Variants in PHACTR2 observed in about 807,000 individuals in gnomAD.
PHACTR2 encodes the protein chromosome 6 open reading frame 56.
PHACTR2 carries 30 observed loss-of-function variants against 76.0 expected under a neutral mutation model. The ratio of observed to expected loss-of-function variants is 0.39; its 90% CI spans 0.30 to 0.54. The LOEUF (loss-of-function observed/expected upper bound fraction) is 0.54, where lower values mean the gene tolerates loss of function less well. Ranked by LOEUF, PHACTR2 falls within the 20% of genes least tolerant of loss-of-function variation. The pLI, the probability that PHACTR2 is intolerant of heterozygous loss-of-function variation, is 0.61. For synonymous variants in PHACTR2, 292 were observed against 292.5 expected (o/e 1.00, Z 0.02); for missense variants, 696 against 781.1 (o/e 0.89, Z 1.30).
intron 1 of PHACTR2, among the ~76,000 whole-genome samples, chr6:143,629,803 G>A (rs1776330635): frequency 6.6e-6 from 1 of 152,160 alleles, no homozygotes; most frequent in South Asian, 2.1e-4. Context: ...CTGAGATAAT[G>A]AAATTCAAAT....
rs2128486674 is a variant in PHACTR2 at position 143,819,299 on chromosome 6, A to G, written c.1923-4375A>G. On this transcript the variant is annotated intron_variant, in intron 12 of 12. Coordinates refer to ENST00000440869, the MANE Select transcript of PHACTR2 (RefSeq NM_001100164.2). This position sits in a 1 kb window ranked among gnomAD's most constrained non-coding sequence, Gnocchi z 5.0. ...ATTACCAAGTCAACAATAAATACAC[A>G]TGAGCATTTCAGATAGTGCTAAGGA... 6.6e-6 allele frequency among the ~76,000 whole-genome samples: 1 copy of G among 152,314 alleles called. No individual in the cohort carries two copies. Among genetic ancestry groups the G allele is most frequent in the East Asian group, 1.9e-4 (1 of 5,178 alleles).
intron 2 of PHACTR2, among the ~76,000 whole-genome samples, chr6:143,727,249 T>C (rs1778592737): frequency 6.6e-6 from 1 of 152,180 alleles, no homozygotes. Context: ...CATAATTTCC[T>C]CCAGTTGTAT....
intron 12 of PHACTR2, among the ~76,000 whole-genome samples, chr6:143,815,105 T>C (rs897410458): frequency 2.6e-5 from 4 of 152,224 alleles, no homozygotes; most frequent in Non-Finnish European, 2.9e-5. Flanking sequence ...GCTGCTTTTG[T>C]AGTGGCACTG....
intron 1 of PHACTR2, among the ~76,000 whole-genome samples, chr6:143,638,951 A>T (rs1242018789): frequency 6.6e-6 from 1 of 152,262 alleles, no homozygotes; most frequent in East Asian, 1.9e-4. Context: ...TAAAAATTGT[A>T]ATTTAGAGTG....
intron 2 of PHACTR2, among the ~76,000 whole-genome samples, chr6:143,721,899 T>C (rs1207632455): frequency 6.6e-6 from 1 of 152,192 alleles, no homozygotes; most frequent in African/African-American, 2.4e-5. Context: ...ACAGGGTGCC[T>C]GTGCATCTGG....
Position 143,683,207 on chromosome 6 carries a change from A to G in PHACTR2, c.46+4998A>G, listed in dbSNP as rs1777437298. ...ATGCCCTAGGAGGATTGAGACTTCT[A>G]GTATTTCATTGTGAAGTGTAGAGCA... is the stretch of plus-strand genomic sequence containing the variant. On this transcript the variant is annotated intron_variant, in intron 1 of 12. Coordinates refer to ENST00000440869, the MANE Select transcript of PHACTR2 (RefSeq NM_001100164.2). This position sits in a 1 kb window ranked among gnomAD's most constrained non-coding sequence, Gnocchi z 4.1. Among the ~76,000 whole-genome samples, 1 of 152,238 alleles carries G rather than the reference A, an allele frequency of 6.6e-6. No homozygotes were observed.
chr6:143,725,744 T>C (rs1778552204), intron 2 of PHACTR2, among the ~76,000 whole-genome samples: 1 of 151,128 alleles, frequency 6.6e-6, no homozygotes, highest in South Asian at 2.1e-4. Flanking sequence ...GACAATCACT[T>C]GAACCCGGGA....
intron 1 of PHACTR2, among the ~76,000 whole-genome samples, chr6:143,682,770 T>C (rs1376528339): frequency 9.7e-5 from 13 of 133,770 alleles, no homozygotes. Flanking sequence ...AAAAAGTTGT[T>C]TTTTTGTTTT....
At position 143,753,328 on chromosome 6, in the gene PHACTR2, A is replaced by C. The variant is rs1450149757; in HGVS notation, c.296-426A>C. On this transcript the variant is annotated intron_variant, in intron 3 of 12. Transcript: ENST00000440869. The surrounding 1 kb of genome is among the most constrained non-coding windows in gnomAD (Gnocchi z 4.6). ...ACTTATTGTTTGTATGTGTAATTAC[A>C]TTTCATGTTATTTGTGTATTTGCAT... Among the ~76,000 whole-genome samples, 2 of 152,148 alleles carry C rather than the reference A, an allele frequency of 1.3e-5. No homozygotes were observed. Among genetic ancestry groups the C allele is most frequent in the African/African-American group, 4.8e-5 (2 of 41,434 alleles).
In PHACTR2 at chr6:143,730,860, G is replaced by A. The variant is rs1778683950; in HGVS notation, c.215-18125G>A. Among the ~76,000 whole-genome samples, 1 of 152,164 alleles carries A rather than the reference G, an allele frequency of 6.6e-6. No individual in the cohort carries two copies. Among genetic ancestry groups the A allele is most frequent in the Non-Finnish European group, 1.5e-5 (1 of 68,034 alleles). ...CCTCTTGGGTTCAAGCGATTCTCCTGCTTCAGCCTCCTGAGTAGCTGGGAC... is the reference window on the plus strand; with the variant it reads ...CCTCTTGGGTTCAAGCGATTCTCCTACTTCAGCCTCCTGAGTAGCTGGGAC... On this transcript the variant is annotated intron_variant, in intron 2 of 12. Transcript: ENST00000440869. This position sits in a 1 kb window ranked among gnomAD's most constrained non-coding sequence, Gnocchi z 4.8.
rs1777471465 is a variant in PHACTR2, at chr6:143,684,595, T to A, written c.46+6386T>A. On this transcript the variant is annotated intron_variant, in intron 1 of 12. Transcript: ENST00000440869. This position sits in a 1 kb window ranked among gnomAD's most constrained non-coding sequence, Gnocchi z 4.3. ...TTTGCTACATTATTCTCAAAGAGGC[T>A]TTCTCAGTGTTATCTGCTTATTATA... Among the ~76,000 whole-genome samples, 1 of 152,230 alleles carries A rather than the reference T, an allele frequency of 6.6e-6. No homozygotes were observed. Among genetic ancestry groups the A allele is most frequent in the South Asian group, 2.1e-4 (1 of 4,836 alleles).
At chr6:143,814,942 T>C (rs1443293684) in intron 12 of PHACTR2, among the ~76,000 whole-genome samples, 3 of 152,146 alleles carry the variant, frequency 2.0e-5, no homozygotes, top group Non-Finnish European at 2.9e-5. Context: ...ATTCTATACT[T>C]TCTTGAGGTG....
intron 1 of PHACTR2, among the ~76,000 whole-genome samples, chr6:143,634,695 G>T (rs961478575): frequency 1.3e-5 from 2 of 152,182 alleles, no homozygotes; most frequent in Admixed American, 1.3e-4. Flanking sequence ...TGTGTTATAA[G>T]GTGTCAGGCT....
intron 1 of PHACTR2, among the ~76,000 whole-genome samples, chr6:143,705,583 A>G (rs55659702): frequency 0.23 from 35,038 of 152,200 alleles, 4,531 homozygotes; most frequent in East Asian, 0.57. Context: ...GGCATGAGCC[A>G]CCGTGCCTGG....
chr6:143,771,190 GTGTGTATA>G (rs1562300810), intron 6 of PHACTR2, among the ~76,000 whole-genome samples: 3 of 22,444 alleles, frequency 1.3e-4, no homozygotes, highest in Admixed American at 5.6e-4. Flanking sequence ...ATATATATAT[GTGTGTATA>G]TATATATATA....
chr6:143,558,030 C>T lies in PHACTR2; in HGVS notation c.217+20823C>T, dbSNP rs1476415809. 1 of 152,130 alleles carries T rather than the reference C, an allele frequency of 6.6e-6. No individual in the cohort carries two copies. 9.4% of individuals were successfully genotyped at this position (152,130 alleles called of 1,614,324 possible). A position where few individuals can be genotyped will look rare whatever the true frequency, so the allele number is the denominator to read the frequency against. On this transcript the variant is annotated intron_variant, in intron 1 of 11. Coordinates refer to the PHACTR2 transcript ENST00000367584. This position sits in a 1 kb window ranked among gnomAD's most constrained non-coding sequence, Gnocchi z 4.7. ...CAGGAGACACCAGACTGAACTCTTT[C>T]TCTCTGACGTTCTCCTTGGGTCCAT... is the stretch of plus-strand genomic sequence containing the variant.
chr6:143,802,157 G>T (rs1001971019), intron 11 of PHACTR2, among the ~76,000 whole-genome samples: 1 of 152,076 alleles, frequency 6.6e-6, no homozygotes, highest in Non-Finnish European at 1.5e-5. Context: ...TAATTCTCAT[G>T]ATGCCAAAAT....
At chr6:143,728,216 C>CTTTTTTTTTTT (rs548709835) in intron 2 of PHACTR2, among the ~76,000 whole-genome samples, 3 of 83,740 alleles carry the variant, frequency 3.6e-5, no homozygotes, top group Non-Finnish European at 4.5e-5. Flanking sequence ...TTTTTTCTTT[C>CTTTTTTTTTTT]TTTTTTTTTT....
rs1582921627 is a variant in PHACTR2, at chr6:143,827,775, T to C, written c.*4086T>C. On this transcript the variant is annotated 3_prime_UTR_variant, in exon 13 of 13. Transcript: ENST00000440869. ...GCTAGATCTTTCACTACTGTGTAGG[T>C]AGTCTCTACTTACTGGTAGGATAGA... 1 of 152,198 alleles carries C rather than the reference T, an allele frequency of 6.6e-6. No individual in the cohort carries two copies. The highest frequency in any genetic ancestry group is 2.4e-5 in the African/African-American group (1 of 41,436). 9.4% of individuals were successfully genotyped at this position (152,198 alleles called of 1,614,324 possible).
Sources: allele counts gnomAD v4.1 joint callset (sites outside exome capture counted in the v4.1 genomes callset), GRCh38; gene constraint gnomAD v4.1.1; non-coding constraint Gnocchi (gnomAD v3.1); transcripts MANE v1.5; gene names NCBI Gene and HGNC (gene_info 2026-07-23, HGNC 2026-07-21).